The following LARP1 variants were observed in gnomAD, a reference collection of about 807,000 sequenced individuals.
The protein encoded by LARP1 is la-related protein 1.
A neutral mutation model predicts 122.7 loss-of-function variants in LARP1; 36 were observed. That is an observed-to-expected ratio of 0.29 (90% CI 0.22 to 0.39). LARP1 has a LOEUF of 0.39. Among genes scored for constraint, LARP1 ranks in the 10% least tolerant of loss-of-function variants. The probability of loss-of-function intolerance (pLI) is 1.00; values close to 1 mark genes in which losing one functional copy is unlikely to be tolerated. For missense variants in LARP1, 1,040 were observed against 1,403.6 expected (o/e 0.74, Z 4.14); for synonymous variants, 539 against 528.7 (o/e 1.02, Z -0.27).
At chr5:154,768,828 G>A (rs905124397) in intron 1 of LARP1, among the ~76,000 whole-genome samples, 1 of 151,930 alleles carries the variant, frequency 6.6e-6, no homozygotes, top group African/African-American at 2.4e-5. Context: ...TGATCCACCC[G>A]CCTTGGCCTC....
chr5:154,694,435 A>G (rs370975962), intron 1 of LARP1, among the ~76,000 whole-genome samples: 1 of 133,520 alleles, frequency 7.5e-6, no homozygotes, highest in Non-Finnish European at 1.6e-5. Flanking sequence ...TTTTTTTTTT[A>G]TTTTAGTAGA....
At chr5:154,771,238 G>A (rs1409632856) in intron 1 of LARP1, among the ~76,000 whole-genome samples, 1 of 152,134 alleles carries the variant, frequency 6.6e-6, no homozygotes, top group Non-Finnish European at 1.5e-5. Flanking sequence ...TGGGTAGCTT[G>A]CCTTGGTGAG....
At chr5:154,751,177 A>T (rs1194432309), upstream of LARP1, among the ~76,000 whole-genome samples, 2 of 152,142 alleles carry the variant, frequency 1.3e-5, no homozygotes, top group Non-Finnish European at 2.9e-5. Context: ...GAGGGAAGAG[A>T]AGTAGGCTGT....
intron 1 of LARP1, chr5:154,729,582 A>G: frequency 2.3e-6 from 1 of 437,002 alleles, no homozygotes; most frequent in South Asian, 1.7e-5. Context: ...GCCAAAGAGA[A>G]AGGTACCTGG....
At chr5:154,727,005 G>A (rs993029356) in intron 1 of LARP1, among the ~76,000 whole-genome samples, 3 of 152,156 alleles carry the variant, frequency 2.0e-5, no homozygotes, top group African/African-American at 7.2e-5. Context: ...TGACATGTGG[G>A]GATCATTATA....
At chr5:154,776,002 A>G (rs1755852464) in intron 1 of LARP1, among the ~76,000 whole-genome samples, 1 of 152,092 alleles carries the variant, frequency 6.6e-6, no homozygotes, top group Admixed American at 6.6e-5. Flanking sequence ...CATTATTACT[A>G]TTATTAGTAT....
rs765076218 is a variant in LARP1 at position 154,802,268 on chromosome 5, G to A, written c.1978G>A (p.Asp660Asn). The A allele has an allele frequency of 6.7e-5, 108 of 1,614,066 alleles. 1 individual carries two copies. Among genetic ancestry groups the A allele is most frequent in the Non-Finnish European group, 4.7e-5 (56 of 1,180,046 alleles). ...PHYMRRHPGG[D>N]RTGNHTSRAK... ...TTACATGCGCCGGCACCCAGGGGGGGACCGCACAGGCAACCACACCTCGCG... is the reference window on the plus strand; with the variant it reads ...TTACATGCGCCGGCACCCAGGGGGGAACCGCACAGGCAACCACACCTCGCG... The change falls in exon 11 of 19, where the codon GAC (aspartate) becomes AAC (asparagine). Residue 660 changes from aspartate (D) to asparagine (N), a missense_variant. Physicochemically the swap from Asp to Asn is conservative, Grantham distance 23. This residue lies in a region of LARP1 where 362 missense variants were observed against 533.1 expected (regional missense o/e 0.68). Coordinates refer to ENST00000518297, the MANE Select transcript of LARP1 (RefSeq NM_033551.3). The surrounding 1 kb of genome is among the most constrained non-coding windows in gnomAD (Gnocchi z 5.1).
At chr5:154,712,851 C>T in exon 1 of LARP1, 1 of 1,352,360 alleles carries the variant, frequency 7.4e-7, no homozygotes, top group Non-Finnish European at 1.0e-6. Context: ...GGGCCAGAGC[C>T]AGGAGGCAGC....
At chr5:154,754,037 G>C (rs901278705), upstream of LARP1, among the ~76,000 whole-genome samples, 8 of 152,186 alleles carry the variant, frequency 5.3e-5, no homozygotes, top group African/African-American at 1.9e-4. Flanking sequence ...TGCTAGACAC[G>C]CAGATTTCTG....
At chr5:154,728,718 T>G (rs748562795) in intron 1 of LARP1, among the ~76,000 whole-genome samples, 3 of 151,656 alleles carry the variant, frequency 2.0e-5, no homozygotes, top group Non-Finnish European at 4.4e-5. Flanking sequence ...AGTAACGGGA[T>G]TGACTAATAA....
At chr5:154,749,822 G>A (rs1026177501) in intron 1 of LARP1, among the ~76,000 whole-genome samples, 12 of 152,232 alleles carry the variant, frequency 7.9e-5, no homozygotes, top group African/African-American at 2.7e-4. Context: ...CCAATCCAAG[G>A]AGGAATAAAA....
At chr5:154,718,419 G>A (rs1162843469) in intron 1 of LARP1, 2 of 152,170 alleles carry the variant, frequency 1.3e-5, no homozygotes, top group Non-Finnish European at 2.9e-5. Context: ...AGGCTGGAGT[G>A]CAGTGGCGAT....
At chr5:154,720,643 T>C (rs1201437884) in intron 1 of LARP1, among the ~76,000 whole-genome samples, 2 of 151,720 alleles carry the variant, frequency 1.3e-5, no homozygotes, top group Admixed American at 1.3e-4. Flanking sequence ...GCCCAGGAGC[T>C]TGAGGCTGCA....
intron 1 of LARP1, among the ~76,000 whole-genome samples, chr5:154,747,366 G>A (rs1325710030): frequency 4.0e-5 from 6 of 151,696 alleles, no homozygotes; most frequent in South Asian, 2.1e-4. Flanking sequence ...TCAGGAGTTC[G>A]AGACCAGCCT....
intron 15 of LARP1, among the ~76,000 whole-genome samples, chr5:154,808,149 A>G (rs1030476092): frequency 6.6e-6 from 1 of 152,220 alleles, no homozygotes; most frequent in Non-Finnish European, 1.5e-5. Flanking sequence ...CAATTTGTTC[A>G]TGCCTTGTCT....
intron 1 of LARP1, among the ~76,000 whole-genome samples, chr5:154,769,241 A>G (rs1289421824): frequency 6.6e-6 from 1 of 152,250 alleles, no homozygotes; most frequent in African/African-American, 2.4e-5. Context: ...TGGACCTCTC[A>G]TGACTGCTGT....
chr5:154,774,621 A>C (rs1396470074), intron 1 of LARP1, among the ~76,000 whole-genome samples: 1 of 152,128 alleles, frequency 6.6e-6, no homozygotes, highest in Non-Finnish European at 1.5e-5. Context: ...GTGGGATTGG[A>C]GAGGCAGTAA....
At chr5:154,698,171 C>T (rs764875350) in intron 1 of LARP1, among the ~76,000 whole-genome samples, 2 of 152,100 alleles carry the variant, frequency 1.3e-5, no homozygotes, top group Admixed American at 6.6e-5. Context: ...TGGTAAACAG[C>T]GTGATATTTC....
At chr5:154,771,004 C>T (rs377728570) in intron 1 of LARP1, among the ~76,000 whole-genome samples, 8 of 151,568 alleles carry the variant, frequency 5.3e-5, no homozygotes, top group Admixed American at 3.3e-4. Context: ...CCCAGCTACT[C>T]GGGTGGCTGA....
Sources: gnomAD v4.1 joint callset for allele counts (sites outside exome capture counted in the v4.1 genomes callset) on GRCh38, gnomAD v4.1.1 for gene constraint, gnomAD v4.1.1 regional missense constraint, Gnocchi (gnomAD v3.1) non-coding constraint, MANE v1.5 for transcripts, NCBI Gene and HGNC (gene_info 2026-07-23, HGNC 2026-07-21) for gene names.